The following PDK1 variants were observed in gnomAD, a reference collection of about 807,000 sequenced individuals.
The protein encoded by PDK1 is pyruvate dehydrogenase kinase 1.
PDK1 carries 39 observed loss-of-function variants against 54.2 expected under a neutral mutation model. The observed-to-expected ratio is 0.72, with a 90% confidence interval of 0.56 to 0.94. The LOEUF is 0.94. Among genes scored for constraint, PDK1 ranks in the 40% least tolerant of loss-of-function variants. PDK1 has a pLI of 0.00. For synonymous variants in PDK1, 221 were observed against 207.1 expected (o/e 1.07, Z -0.58); for missense variants, 552 against 566.0 (o/e 0.98, Z 0.25).
the PDK1 span, among the ~76,000 whole-genome samples, chr2:172,664,628 T>C: frequency 6.6e-6 from 1 of 152,140 alleles, no homozygotes; most frequent in Non-Finnish European, 1.5e-5. Context: ...CTCATTGTTC[T>C]GTTTTTTCTT....
At chr2:172,709,766 A>G in the PDK1 span, among the ~76,000 whole-genome samples, 7 of 152,206 alleles carry the variant, frequency 4.6e-5, no homozygotes, top group African/African-American at 1.7e-4. Flanking sequence ...ATATGCATCA[A>G]TGATCAGCAA....
intron 8 of PDK1, among the ~76,000 whole-genome samples, chr2:172,580,387 C>G (rs1359367016): frequency 1.3e-5 from 2 of 152,016 alleles, no homozygotes; most frequent in African/African-American, 4.8e-5. Flanking sequence ...CATGTTCTTT[C>G]TTGTACCTTT....
the PDK1 span, among the ~76,000 whole-genome samples, chr2:172,641,083 A>ATCCC: frequency 2.6e-3 from 232 of 89,888 alleles, 1 homozygote; most frequent in African/African-American, 7.0e-3. Flanking sequence ...CTCTCTTTCC[A>ATCCC]TCCCTCCCTC....
the PDK1 span, among the ~76,000 whole-genome samples, chr2:172,666,469 G>A: frequency 1.3e-5 from 2 of 152,202 alleles, no homozygotes; most frequent in African/African-American, 2.4e-5. Flanking sequence ...CCTGAACAAG[G>A]GAGGGGAAGG....
the PDK1 span, among the ~76,000 whole-genome samples, chr2:172,630,138 T>G: frequency 6.6e-6 from 1 of 152,228 alleles, no homozygotes; most frequent in Non-Finnish European, 1.5e-5. Context: ...CATATGACTT[T>G]CCAATTTTAG....
the PDK1 span, among the ~76,000 whole-genome samples, chr2:172,718,703 G>T: frequency 5.9e-5 from 9 of 152,136 alleles, no homozygotes; most frequent in Non-Finnish European, 1.3e-4. Flanking sequence ...AAGGGTAGGG[G>T]ATGTTCTGGG....
At chr2:172,636,751 A>G in the PDK1 span, among the ~76,000 whole-genome samples, 2 of 150,758 alleles carry the variant, frequency 1.3e-5, no homozygotes, top group African/African-American at 4.9e-5. Context: ...GAACTCATTC[A>G]TTACCATAAG....
the PDK1 span, among the ~76,000 whole-genome samples, chr2:172,634,706 C>G: frequency 6.8e-6 from 1 of 147,948 alleles, no homozygotes; most frequent in East Asian, 2.0e-4. Context: ...TTTTCATGTT[C>G]AGGTACAAAG....
chr2:172,590,318 C>T (rs1027559576), intron 9 of PDK1, among the ~76,000 whole-genome samples: 1 of 152,162 alleles, frequency 6.6e-6, no homozygotes, highest in Admixed American at 6.5e-5. Context: ...GGTTCTTGGT[C>T]TTGCTGACTT....
chr2:172,716,596 A>G, the PDK1 span, among the ~76,000 whole-genome samples: 3 of 152,264 alleles, frequency 2.0e-5, no homozygotes, highest in East Asian at 5.8e-4. Context: ...AAGTGCTGAG[A>G]TTACAGGGGT....
the PDK1 span, among the ~76,000 whole-genome samples, chr2:172,715,354 A>G: frequency 1.3e-5 from 2 of 152,220 alleles, no homozygotes; most frequent in African/African-American, 2.4e-5. Flanking sequence ...ATTTAAGCCT[A>G]TGGAAGTTGA....
chr2:172,621,742 CAT>C, the PDK1 span, among the ~76,000 whole-genome samples: 306 of 139,026 alleles, frequency 2.2e-3, 2 homozygotes, highest in African/African-American at 7.7e-3. Flanking sequence ...TCATATATGT[CAT>C]ATATGTTTAT....
Position 172,596,148 on chromosome 2 carries a change from C to T in PDK1, c.*179C>T. On this transcript the variant is annotated 3_prime_UTR_variant, in exon 11 of 11. Transcript: ENST00000282077. ...TTAAACCTCCTAAAGGATGAAATTG[C>T]ACCTATTTTACACTTATATTTTCAC... 3.9e-6 allele frequency: 2 copies of T among 510,026 alleles called. No individual in the cohort carries two copies. Among genetic ancestry groups the T allele is most frequent in the Admixed American group, 6.7e-5 (2 of 29,998 alleles). 31.6% of individuals were successfully genotyped at this position (510,026 alleles called of 1,614,324 possible).
downstream of PDK1, among the ~76,000 whole-genome samples, chr2:172,609,947 G>C (rs146866822): frequency 6.6e-6 from 1 of 151,696 alleles, no homozygotes; most frequent in African/African-American, 2.4e-5. Context: ...TCAGCCTCCC[G>C]AGTAGCTGGG....
chr2:172,556,513 T>C (rs1688334496), intron 1 of PDK1, 167 bp downstream of exon 1: 1 of 469,572 alleles, frequency 2.1e-6, no homozygotes, highest in Admixed American at 4.4e-5. Context: ...CCCTCCGAAG[T>C]GCCGGCGCTG....
chr2:172,582,975 G>A (rs1007088369), intron 8 of PDK1, among the ~76,000 whole-genome samples: 1 of 152,140 alleles, frequency 6.6e-6, no homozygotes, highest in Non-Finnish European at 1.5e-5. Context: ...TACTTGCTAG[G>A]TTGTTGTTAC....
intron 8 of PDK1, 45 bp downstream of exon 8, chr2:172,570,869 T>C (rs1240324137): frequency 9.4e-7 from 1 of 1,068,880 alleles, no homozygotes. Context: ...TTTTTTGTAA[T>C]TGATGAACAG....
the PDK1 span, among the ~76,000 whole-genome samples, chr2:172,646,687 C>T: frequency 6.9e-6 from 1 of 144,142 alleles, no homozygotes; most frequent in South Asian, 2.2e-4. Flanking sequence ...TAGGCTCTGT[C>T]CCCAGAGATT....
At position 172,564,545 on chromosome 2, in the gene PDK1, T is replaced by A. The variant is rs1688830662; in HGVS notation, c.453T>A (p.Asp151Glu). ...TVIRIRNRHN[D>E]VIPTMAQGVI... ...TACGGATCAGAAACCGACACAATGA[T>A]GTCATTCCCACAATGGCCCAGGGTG... is the stretch of plus-strand genomic sequence containing the variant. Residue 151 changes from aspartate (D) to glutamate (E), a missense_variant, in exon 4 of 11, where the codon GAT (aspartate) becomes GAA (glutamate). Coordinates refer to ENST00000282077, the MANE Select transcript of PDK1 (RefSeq NM_002610.5). 4 of 1,614,026 alleles carry A rather than the reference T, an allele frequency of 2.5e-6. No individual in the cohort carries two copies. Among genetic ancestry groups the A allele is most frequent in the Non-Finnish European group, 3.4e-6 (4 of 1,179,988 alleles).
Sources: gnomAD v4.1 joint callset for allele counts (sites outside exome capture counted in the v4.1 genomes callset) on GRCh38, gnomAD v4.1.1 for gene constraint, MANE v1.5 for transcripts, NCBI Gene and HGNC (gene_info 2026-07-23, HGNC 2026-07-21) for gene names.